Variants in CDC42BPB observed in about 807,000 individuals in gnomAD.
CDC42BPB encodes the protein CDC42 binding protein kinase beta, also known as serine/threonine-protein kinase MRCK beta.
Under a neutral mutation model 214.9 loss-of-function variants are expected in CDC42BPB, and 37 were observed. The observed-to-expected ratio is 0.17, with a 90% CI of 0.13 to 0.23. CDC42BPB has a LOEUF of 0.23. Ranked by LOEUF, CDC42BPB falls within the 10% of genes least tolerant of loss-of-function variation. The probability of loss-of-function intolerance (pLI) is 1.00; values close to 1 mark genes in which losing one functional copy is unlikely to be tolerated. For synonymous variants in CDC42BPB, 931 were observed against 884.0 expected (o/e 1.05, Z -0.94); for missense variants, 1,694 against 2,227.0 (o/e 0.76, Z 4.82).
intron 1 of CDC42BPB, among the ~76,000 whole-genome samples, chr14:103,012,870 G>C (rs919805619): frequency 6.6e-6 from 1 of 152,192 alleles, no homozygotes; most frequent in Non-Finnish European, 1.5e-5. Flanking sequence ...ACAGTGTTCG[G>C]AACTGTCGCA....
chr14:102,986,418 T>G, intron 6 of CDC42BPB, 69 bp downstream of exon 6: 1 of 1,014,342 alleles, frequency 9.9e-7, no homozygotes, highest in Non-Finnish European at 1.5e-6. Context: ...TACCTCAAAT[T>G]GAAAACTTCC....
chr14:102,934,264 G>A (rs1165853882), intron 36 of CDC42BPB: 1 of 162,526 alleles, frequency 6.2e-6, no homozygotes, highest in East Asian at 1.9e-4. Flanking sequence ...GCCGGGCGTG[G>A]TGGCTTACGC....
At chr14:102,969,438 G>A (rs1438980907) in intron 14 of CDC42BPB, among the ~76,000 whole-genome samples, 2 of 152,206 alleles carry the variant, frequency 1.3e-5, no homozygotes, top group Non-Finnish European at 2.9e-5. Flanking sequence ...GTGCAGAGAG[G>A]AGACTCAAGG....
chr14:103,032,931 T>A (rs1418891295), intron 1 of CDC42BPB, among the ~76,000 whole-genome samples: 11 of 151,362 alleles, frequency 7.3e-5, no homozygotes, highest in African/African-American at 2.7e-4. Flanking sequence ...ATCCACTTTT[T>A]TTAAAAAAAA....
intron 1 of CDC42BPB, among the ~76,000 whole-genome samples, chr14:103,044,942 G>C (rs1423834979): frequency 3.3e-5 from 5 of 150,454 alleles, no homozygotes; most frequent in Non-Finnish European, 7.4e-5. Context: ...GCTCACACCT[G>C]TAATCCCAGC....
At chr14:103,032,867 T>C (rs1026809470) in intron 1 of CDC42BPB, among the ~76,000 whole-genome samples, 9 of 150,024 alleles carry the variant, frequency 6.0e-5, no homozygotes, top group Non-Finnish European at 1.2e-4. Flanking sequence ...TCCACCTGCC[T>C]CAGCCTCCCA....
chr14:103,009,373 A>G (rs1013839594), intron 2 of CDC42BPB, among the ~76,000 whole-genome samples: 6 of 151,904 alleles, frequency 3.9e-5, no homozygotes, highest in African/African-American at 1.5e-4. Context: ...CCCCCACTTC[A>G]CCCTCACAGC....
intron 1 of CDC42BPB, among the ~76,000 whole-genome samples, chr14:103,039,292 C>CAAAAAAAAAAAAAA (rs202028122): frequency 2.8e-5 from 2 of 70,644 alleles, no homozygotes; most frequent in African/African-American, 4.2e-5. Flanking sequence ...GATACCAAAC[C>CAAAAAAAAAAAAAA]AAAAAAAAAA....
intron 24 of CDC42BPB, among the ~76,000 whole-genome samples, chr14:102,951,169 C>T (rs1450406636): frequency 2.0e-5 from 3 of 152,138 alleles, no homozygotes; most frequent in Non-Finnish European, 4.4e-5. Context: ...CAGCCCGGGC[C>T]GCCTCCCACA....
chr14:102,998,699 T>C (rs537575320), intron 5 of CDC42BPB, among the ~76,000 whole-genome samples: 1 of 152,260 alleles, frequency 6.6e-6, no homozygotes, highest in South Asian at 2.1e-4. Context: ...GCTCAACTCC[T>C]GCAAGTCGCA....
intron 30 of CDC42BPB, among the ~76,000 whole-genome samples, chr14:102,941,756 C>T (rs1197346555): frequency 6.6e-6 from 1 of 152,230 alleles, no homozygotes; most frequent in Non-Finnish European, 1.5e-5. Context: ...ACAGAGCACG[C>T]GGCCCCTGTG....
intron 2 of CDC42BPB, among the ~76,000 whole-genome samples, chr14:103,010,806 C>T (rs984796888): frequency 2.0e-5 from 3 of 152,112 alleles, no homozygotes; most frequent in Admixed American, 6.5e-5. Flanking sequence ...CTGAGATGGG[C>T]GGATCACGAG....
At chr14:103,050,417 C>T (rs1433749183) in intron 1 of CDC42BPB, among the ~76,000 whole-genome samples, 1 of 152,130 alleles carries the variant, frequency 6.6e-6, no homozygotes, top group African/African-American at 2.4e-5. Flanking sequence ...CCTGGTTTAC[C>T]CAACCTGAGT....
intron 1 of CDC42BPB, among the ~76,000 whole-genome samples, chr14:103,045,051 T>G (rs1290086036): frequency 1.3e-5 from 2 of 150,912 alleles, no homozygotes; most frequent in African/African-American, 4.9e-5. Context: ...AATAAATAAA[T>G]AAATAAATAA....
intron 6 of CDC42BPB, 142 bp from the exon 7 acceptor site, chr14:102,983,898 C>G: frequency 6.9e-7 from 1 of 1,451,100 alleles, no homozygotes; most frequent in South Asian, 1.5e-5. Flanking sequence ...TTTTTAAACC[C>G]AGTAATTCAA....
chr14:103,035,249 G>A (rs950605801), intron 1 of CDC42BPB, among the ~76,000 whole-genome samples: 5 of 151,986 alleles, frequency 3.3e-5, no homozygotes, highest in African/African-American at 1.2e-4. Flanking sequence ...TAGAGACGGG[G>A]TTTCTCCTTG....
intron 24 of CDC42BPB, among the ~76,000 whole-genome samples, chr14:102,951,816 A>G (rs961761475): frequency 1.3e-5 from 2 of 152,240 alleles, no homozygotes; most frequent in African/African-American, 4.8e-5. Flanking sequence ...AAGAAAAAAA[A>G]TACGAATGAC....
At chr14:102,935,975 C>A (rs765174819) in intron 36 of CDC42BPB, among the ~76,000 whole-genome samples, 1 of 151,948 alleles carries the variant, frequency 6.6e-6, no homozygotes, top group Admixed American at 6.6e-5. Flanking sequence ...AAAGAAGGTA[C>A]GGAAATGGCC....
intron 1 of CDC42BPB, among the ~76,000 whole-genome samples, chr14:103,045,432 G>A (rs546496393): frequency 4.6e-5 from 7 of 152,200 alleles, no homozygotes; most frequent in Admixed American, 2.6e-4. Context: ...CCCACATCAC[G>A]TGGTCTCCAC....
Sources: gnomAD v4.1 joint callset for allele counts (sites outside exome capture counted in the v4.1 genomes callset) on GRCh38, gnomAD v4.1.1 for gene constraint, MANE v1.5 for transcripts, NCBI Gene and HGNC (gene_info 2026-07-23, HGNC 2026-07-21) for gene names.